The following CTNNA1 variants were observed in gnomAD, a reference collection of about 807,000 sequenced individuals.
CTNNA1 encodes catenin alpha 1, also known as catenin alpha-1.
Under a neutral mutation model 98.4 loss-of-function variants are expected in CTNNA1, and 37 were observed. The observed-to-expected ratio is 0.38, with a 90% CI of 0.29 to 0.49. CTNNA1 has a LOEUF of 0.49. Among genes scored for constraint, CTNNA1 ranks in the 20% least tolerant of loss-of-function variants. The pLI is 0.95. For missense variants in CTNNA1, 761 were observed against 1,147.2 expected, an observed-to-expected ratio of 0.66 and a Z score of 4.86; for synonymous variants, 404 against 413.2, an observed-to-expected ratio of 0.98 and a Z score of 0.27.
chr5:138,873,415 T>C lies in CTNNA1; in HGVS notation c.1063-12797T>C. On this transcript the variant is annotated intron_variant, in intron 7 of 17. Coordinates refer to ENST00000302763, the MANE Select transcript of CTNNA1 (RefSeq NM_001903.5). The surrounding 1 kb of genome is among the most constrained non-coding windows in gnomAD (Gnocchi z 6.1). Reference sequence around the variant, plus strand: ...GGTAACTTGATGAGCTTATTCTTTTTGTATATTCAGTGGTTGGATCTCTAT... The same window carrying C: ...GGTAACTTGATGAGCTTATTCTTTTCGTATATTCAGTGGTTGGATCTCTAT... 6.2e-7 allele frequency: 1 copy of C among 1,614,036 alleles called. No individual in the cohort carries two copies.
chr5:138,774,781 C>T (rs1753913144), intron 1 of CTNNA1, among the ~76,000 whole-genome samples: 2 of 152,132 alleles, frequency 1.3e-5, no homozygotes, highest in Non-Finnish European at 1.5e-5. Context: ...ACCACCGCAC[C>T]CAGCTAATTT....
chr5:138,869,815 C>G (rs1765172136), intron 7 of CTNNA1: 1 of 152,596 alleles, frequency 6.6e-6, no homozygotes, highest in African/African-American at 2.4e-5. Context: ...TAAGAAATTA[C>G]ATGTGTTAGT....
intron 7 of CTNNA1, among the ~76,000 whole-genome samples, chr5:138,876,052 T>A (rs1202690581): frequency 2.0e-5 from 3 of 152,198 alleles, no homozygotes; most frequent in African/African-American, 7.2e-5. Flanking sequence ...AGTTGATCTT[T>A]AAATGTCCTC....
intron 7 of CTNNA1, among the ~76,000 whole-genome samples, chr5:138,845,594 C>CATTT (rs146634616): frequency 0.012 from 1,774 of 152,282 alleles, 28 homozygotes; most frequent in African/African-American, 0.041. Flanking sequence ...AAGCAGCATG[C>CATTT]ATTTGTGTGT....
intron 7 of CTNNA1, among the ~76,000 whole-genome samples, chr5:138,882,182 T>A (rs1753054250): frequency 4.6e-5 from 7 of 152,340 alleles, no homozygotes; most frequent in African/African-American, 1.4e-4. Flanking sequence ...GTGGTAGCAT[T>A]CTGTGGGGAC....
In CTNNA1 at chr5:138,930,368, A is replaced by T. The variant is rs78461252; in HGVS notation, c.2011-105A>T. 72 of 827,868 alleles carry T rather than the reference A, an allele frequency of 8.7e-5. No homozygotes were observed. In the East Asian group the frequency reaches 1.7e-3, roughly 19 times the overall value. The allele number at this position is 827,868 out of a possible 1,614,324, so 51.3% of individuals were successfully genotyped here. On this transcript the variant is annotated intron_variant, in intron 14 of 17. Coordinates refer to ENST00000302763, the MANE Select transcript of CTNNA1 (RefSeq NM_001903.5). ...GCGAAATGAAACCTATTAAAGCATT[A>T]TCCTACCTATGCCACAGATTGCCTG... is the stretch of plus-strand genomic sequence containing the variant.
intron 1 of CTNNA1, among the ~76,000 whole-genome samples, chr5:138,774,568 G>A (rs916186611): frequency 6.6e-6 from 1 of 152,088 alleles, no homozygotes; most frequent in African/African-American, 2.4e-5. Context: ...AGCCTGGAGA[G>A]GCCAGGTGTC....
intron 3 of CTNNA1, among the ~76,000 whole-genome samples, chr5:138,792,063 A>T (rs1756441114): frequency 6.6e-6 from 1 of 152,070 alleles, no homozygotes; most frequent in Non-Finnish European, 1.5e-5. Context: ...TTCTTAATTG[A>T]TGTTAATGGA....
At chr5:138,764,259 G>A (rs927579440) in intron 1 of CTNNA1, among the ~76,000 whole-genome samples, 1 of 151,430 alleles carries the variant, frequency 6.6e-6, no homozygotes, top group African/African-American at 2.4e-5. Context: ...CCAGTTACTC[G>A]GGAGGCTGAG....
intron 9 of CTNNA1, among the ~76,000 whole-genome samples, chr5:138,895,476 T>C (rs896549123): frequency 1.3e-5 from 2 of 149,056 alleles, no homozygotes; most frequent in African/African-American, 2.5e-5. Flanking sequence ...TTGAAAAGGT[T>C]AACTGACATT....
intron 10 of CTNNA1, among the ~76,000 whole-genome samples, chr5:138,913,576 C>A (rs1223496658): frequency 2.9e-5 from 4 of 137,508 alleles, no homozygotes; most frequent in Admixed American, 7.0e-5. Context: ...AGAGGGAGAC[C>A]CTGTCTCAAA....
chr5:138,871,017 C>A (rs1750535977), intron 7 of CTNNA1: 1 of 152,096 alleles, frequency 6.6e-6, no homozygotes, highest in South Asian at 2.1e-4. Context: ...CACATTTTTA[C>A]TGTAATTTGT....
At chr5:138,766,451 G>GTTT (rs5871680) in intron 1 of CTNNA1, among the ~76,000 whole-genome samples, 8 of 137,396 alleles carry the variant, frequency 5.8e-5, no homozygotes, top group Non-Finnish European at 6.2e-5. Flanking sequence ...ACCATGTTTT[G>GTTT]TTTTTTTTTT....
Position 138,832,240 on chromosome 5 carries a change from A to G in CTNNA1, c.1062+4522A>G, listed in dbSNP as rs145656043. ...GTTGGTAGGTAGTCTTGGCTCTACA[A>G]CTAACTTACTATACGGACTCTAAGG... On this transcript the variant is annotated intron_variant, in intron 7 of 17. Coordinates refer to ENST00000302763, the MANE Select transcript of CTNNA1 (RefSeq NM_001903.5). Among the ~76,000 whole-genome samples, 497 of 152,346 alleles carry G rather than the reference A, an allele frequency of 3.3e-3. 1 individual carries two copies. The highest frequency in any genetic ancestry group is 0.011 in the African/African-American group (469 of 41,574).
chr5:138,775,304 C>G (rs1179305432), intron 1 of CTNNA1, among the ~76,000 whole-genome samples: 2 of 152,222 alleles, frequency 1.3e-5, no homozygotes, highest in Non-Finnish European at 2.9e-5. Context: ...CTTTAGCAAT[C>G]TAGAGCATTC....
intron 7 of CTNNA1, among the ~76,000 whole-genome samples, chr5:138,834,036 C>T (rs1373895208): frequency 6.6e-6 from 1 of 152,110 alleles, no homozygotes; most frequent in Non-Finnish European, 1.5e-5. Context: ...GAATGGTATG[C>T]AGCTAATGTT....
chr5:138,833,844 T>C (rs1761516027), intron 7 of CTNNA1, among the ~76,000 whole-genome samples: 1 of 152,238 alleles, frequency 6.6e-6, no homozygotes, highest in South Asian at 2.1e-4. Flanking sequence ...TTCTTAAGGA[T>C]ACATTTTATC....
chr5:138,846,720 T>C (rs765820696), intron 7 of CTNNA1, among the ~76,000 whole-genome samples: 2 of 152,222 alleles, frequency 1.3e-5, no homozygotes, highest in Non-Finnish European at 2.9e-5. Context: ...ATTTAAATTA[T>C]ACAAATGTTG....
chr5:138,911,342 A>G (rs1264329143), intron 10 of CTNNA1, among the ~76,000 whole-genome samples: 3 of 152,144 alleles, frequency 2.0e-5, no homozygotes, highest in African/African-American at 7.2e-5. Flanking sequence ...AAACATGTCA[A>G]TTTCCTAATT....
Sources: gnomAD v4.1 joint callset for allele counts (sites outside exome capture counted in the v4.1 genomes callset) on GRCh38, gnomAD v4.1.1 for gene constraint, Gnocchi (gnomAD v3.1) non-coding constraint, MANE v1.5 for transcripts, NCBI Gene and HGNC (gene_info 2026-07-23, HGNC 2026-07-21) for gene names.